The following NEDD9 variants were observed in gnomAD, a reference collection of about 807,000 sequenced individuals.
The protein encoded by NEDD9 is neural precursor cell expressed, developmentally down-regulated 9, also known as enhancer of filamentation 1.
In NEDD9, 26 loss-of-function variants were observed where a neutral mutation model predicts 76.6. That is an observed-to-expected ratio of 0.34 (90% confidence interval 0.25 to 0.47). NEDD9 has a LOEUF of 0.47. Ranked by LOEUF, NEDD9 falls within the 20% of genes least tolerant of loss-of-function variation. NEDD9 has a pLI of 1.00. For missense variants in NEDD9, 937 were observed against 1,058.5 expected (o/e 0.89, Z 1.59); for synonymous variants, 392 against 414.2 (o/e 0.95, Z 0.65).
intron 2 of NEDD9, among the ~76,000 whole-genome samples, chr6:11,319,508 A>T (rs545168281): frequency 2.4e-5 from 3 of 125,116 alleles, no homozygotes; most frequent in East Asian, 5.3e-4. Flanking sequence ...TCATGCACAC[A>T]CACACTAACA....
chr6:11,352,789 A>G (rs1392263595), intron 1 of NEDD9: 1 of 152,242 alleles, frequency 6.6e-6, no homozygotes, highest in East Asian at 1.9e-4. Flanking sequence ...GCCTATTAAA[A>G]ACAGAAGTGA....
intron 1 of NEDD9, among the ~76,000 whole-genome samples, chr6:11,222,203 A>G (rs1759163221): frequency 6.6e-6 from 1 of 152,152 alleles, no homozygotes; most frequent in Admixed American, 6.5e-5. Context: ...ACCCACCAAT[A>G]CAAATGCATA....
intron 3 of NEDD9, among the ~76,000 whole-genome samples, chr6:11,260,349 C>T (rs1450728097): frequency 6.6e-6 from 1 of 152,140 alleles, no homozygotes; most frequent in Non-Finnish European, 1.5e-5. Context: ...AAAACATGGT[C>T]TTTAGAATCA....
At chr6:11,306,990 A>G (rs1254960080) in intron 2 of NEDD9, among the ~76,000 whole-genome samples, 2 of 152,180 alleles carry the variant, frequency 1.3e-5, no homozygotes, top group African/African-American at 2.4e-5. Flanking sequence ...TGGGGTATAT[A>G]TCCTTAGAAA....
intron 5 of NEDD9, 25 bp from the exon 6 acceptor site, chr6:11,188,332 A>AT: frequency 6.5e-7 from 1 of 1,527,214 alleles, no homozygotes; most frequent in Non-Finnish European, 9.1e-7. Context: ...CATAAAGAAC[A>AT]TATTATGTCA....
At chr6:11,221,382 T>TAAAAAAA (rs35887409) in intron 1 of NEDD9, among the ~76,000 whole-genome samples, 1 of 129,844 alleles carries the variant, frequency 7.7e-6, no homozygotes, top group African/African-American at 3.1e-5. Context: ...GACTCTGTCA[T>TAAAAAAA]AAAAAAAAAA....
At chr6:11,254,278 G>A (rs1759963116) in intron 3 of NEDD9, among the ~76,000 whole-genome samples, 1 of 151,944 alleles carries the variant, frequency 6.6e-6, no homozygotes, top group South Asian at 2.1e-4. Context: ...GTGCCACCAT[G>A]CCCGGCTAAT....
intron 3 of NEDD9, among the ~76,000 whole-genome samples, chr6:11,263,226 G>A (rs1398940605): frequency 7.2e-5 from 11 of 152,164 alleles, no homozygotes; most frequent in African/African-American, 2.4e-4. Context: ...GCTTTTTTGT[G>A]TGTGTAAGGG....
intron 3 of NEDD9, among the ~76,000 whole-genome samples, chr6:11,276,585 A>G (rs973329049): frequency 6.6e-6 from 1 of 152,222 alleles, no homozygotes; most frequent in Admixed American, 6.5e-5. Flanking sequence ...CCTGAACCCA[A>G]ATCAGTGCTT....
intron 1 of NEDD9, among the ~76,000 whole-genome samples, chr6:11,365,253 C>A (rs1415124424): frequency 6.6e-6 from 1 of 152,176 alleles, no homozygotes; most frequent in African/African-American, 2.4e-5. Context: ...AACCAAGTGA[C>A]CCCAACATTC....
At chr6:11,279,284 G>T (rs554344116) in intron 3 of NEDD9, among the ~76,000 whole-genome samples, 53 of 152,348 alleles carry the variant, frequency 3.5e-4, no homozygotes, top group African/African-American at 1.3e-3. Flanking sequence ...CACACCTGCT[G>T]ACTTTCAGCA....
intron 1 of NEDD9, among the ~76,000 whole-genome samples, chr6:11,336,028 C>G (rs1762152329): frequency 6.6e-6 from 1 of 152,190 alleles, no homozygotes; most frequent in South Asian, 2.1e-4. Context: ...GTCTGGGCTC[C>G]CCCGCTTGAG....
At chr6:11,318,480 G>A (rs1244353007) in intron 2 of NEDD9, among the ~76,000 whole-genome samples, 2 of 152,102 alleles carry the variant, frequency 1.3e-5, no homozygotes, top group African/African-American at 4.8e-5. Flanking sequence ...CGGCGTTGAT[G>A]ACTCACTCAT....
intron 2 of NEDD9, among the ~76,000 whole-genome samples, chr6:11,317,805 C>T (rs1480875143): frequency 6.6e-6 from 1 of 152,168 alleles, no homozygotes; most frequent in African/African-American, 2.4e-5. Flanking sequence ...GTCCACCTGA[C>T]TAGGCCACAG....
intron 1 of NEDD9, among the ~76,000 whole-genome samples, chr6:11,356,009 CCA>C (rs1561845975): frequency 2.6e-5 from 4 of 152,180 alleles, no homozygotes; most frequent in Admixed American, 6.5e-5. Context: ...GCGTGAGCCA[CCA>C]TGCCCGGCCG....
chr6:11,312,084 C>A (rs1057185726), intron 2 of NEDD9, among the ~76,000 whole-genome samples: 8 of 152,106 alleles, frequency 5.3e-5, no homozygotes, highest in African/African-American at 1.9e-4. Flanking sequence ...GCAGCCACAA[C>A]TTCAGTTTCC....
At chr6:11,345,414 G>T (rs530968486) in intron 1 of NEDD9, among the ~76,000 whole-genome samples, 1 of 152,248 alleles carries the variant, frequency 6.6e-6, no homozygotes, top group East Asian at 1.9e-4. Flanking sequence ...TGGTTCTCAG[G>T]ACAGCAATAG....
intron 2 of NEDD9, among the ~76,000 whole-genome samples, chr6:11,309,955 C>A (rs1761315892): frequency 6.6e-6 from 1 of 152,168 alleles, no homozygotes; most frequent in African/African-American, 2.4e-5. Context: ...TCACTCCATA[C>A]TGCATTTTAA....
chr6:11,208,047 G>A (rs905586324), intron 2 of NEDD9, among the ~76,000 whole-genome samples: 8 of 152,178 alleles, frequency 5.3e-5, no homozygotes, highest in African/African-American at 1.7e-4. Flanking sequence ...GCTTGGTAGC[G>A]CATGCCTATA....
Sources: gnomAD v4.1 joint callset for allele counts (sites outside exome capture counted in the v4.1 genomes callset) on GRCh38, gnomAD v4.1.1 for gene constraint, MANE v1.5 for transcripts, NCBI Gene and HGNC (gene_info 2026-07-23, HGNC 2026-07-21) for gene names.